The following CLCN5 variants were observed in gnomAD, a reference collection of about 807,000 sequenced individuals.
CLCN5 encodes the protein H(+)/Cl(-) exchange transporter 5.
CLCN5 carries 17 observed loss-of-function variants against 54.0 expected under a neutral mutation model. The ratio of observed to expected loss-of-function variants is 0.31; its 90% confidence interval spans 0.22 to 0.47. The LOEUF is 0.47. CLCN5 is among the 20% of genes least tolerant of loss of function. The probability of loss-of-function intolerance (pLI) is 1.00; values close to 1 mark genes in which losing one functional copy is unlikely to be tolerated. For synonymous variants in CLCN5, 222 were observed against 233.0 expected, an observed-to-expected ratio of 0.95 and a Z score of 0.43; for missense variants, 448 against 646.7, an observed-to-expected ratio of 0.69 and a Z score of 3.33.
intron 3 of CLCN5, among the ~76,000 whole-genome samples, chrX:50,025,333 C>T (rs1931306603): frequency 2.5e-5 from 2 of 79,964 alleles, no homozygotes; most frequent in Admixed American, 1.4e-4. Flanking sequence ...CGCCCTGCTT[C>T]GGCTCGCGCA....
chrX:50,063,411 C>G (rs369514599), intron 4 of CLCN5, among the ~76,000 whole-genome samples: 4 of 108,128 alleles, frequency 3.7e-5, no homozygotes, highest in Admixed American at 1.9e-4. Context: ...AAATCTAGAA[C>G]AAATGGATGC....
intron 3 of CLCN5, among the ~76,000 whole-genome samples, chrX:49,929,042 T>C (rs1925501271): frequency 1.8e-5 from 2 of 112,070 alleles, no homozygotes; most frequent in Admixed American, 9.4e-5. Context: ...TAATTCCCTA[T>C]TCCAGTATTC....
rs998673462 is a variant in CLCN5 at position 49,977,560 on chromosome X, T to C, written c.16+52246T>C. ...TTTCCACAGTGACACAGTTGCCATA[T>C]GTTGTCACATTCTTAGAGGTATCTG... On this transcript the variant is annotated intron_variant, in intron 3 of 14. Coordinates refer to ENST00000376091, the MANE Select transcript of CLCN5 (RefSeq NM_001127898.4). Among the ~76,000 whole-genome samples the C allele has an allele frequency of 2.7e-5, 3 of 111,870 alleles. No individual in the cohort carries two copies. In the Admixed American group the frequency reaches 2.8e-4, roughly 11 times the overall value.
intron 4 of CLCN5, among the ~76,000 whole-genome samples, chrX:50,058,652 G>A (rs1368846654): frequency 9.0e-6 from 1 of 111,255 alleles, no homozygotes; most frequent in African/African-American, 3.3e-5. Flanking sequence ...TTCTCTGACT[G>A]GTTTACTGTA....
intron 3 of CLCN5, among the ~76,000 whole-genome samples, chrX:50,010,339 C>G (rs1307587762): frequency 9.1e-6 from 1 of 110,435 alleles, no homozygotes; most frequent in African/African-American, 3.3e-5. Flanking sequence ...CACCTGGGCT[C>G]AAGCGATCCT....
Position 50,003,029 on chromosome X carries a change from G to GTT in CLCN5, c.17-39287_17-39286insTT. 3.7e-5 allele frequency: 9 copies of GTT among 245,458 alleles called. No individual in the cohort carries two copies. The South Asian group carries it at 4.1e-4, about 11-fold the overall frequency. 20.2% of individuals were successfully genotyped at this position (245,458 alleles called of 1,213,427 possible). A position where few individuals can be genotyped will look rare whatever the true frequency, so the allele number is the denominator to read the frequency against. ...GTTGTAGATAGTGAACATTTCTGAA[G>GTT]GTACATATGTGAATGTACACAAGCA... is the stretch of plus-strand genomic sequence containing the variant. On this transcript the variant is annotated intron_variant, in intron 3 of 14. Transcript: ENST00000376091.
At chrX:50,044,932 G>A (rs1351134595) in intron 4 of CLCN5, among the ~76,000 whole-genome samples, 1 of 111,327 alleles carries the variant, frequency 9.0e-6, no homozygotes, top group Non-Finnish European at 1.9e-5. Context: ...AGGCACTGGG[G>A]ATACAGTGGT....
At chrX:50,005,927 G>T (rs1264215413) in intron 3 of CLCN5, among the ~76,000 whole-genome samples, 3 of 112,376 alleles carry the variant, frequency 2.7e-5, no homozygotes, top group African/African-American at 9.7e-5. Flanking sequence ...ACAATGATCA[G>T]AACAGAAAAA....
intron 3 of CLCN5, among the ~76,000 whole-genome samples, chrX:49,946,716 C>T (rs1159260878): frequency 8.9e-6 from 1 of 111,777 alleles, no homozygotes; most frequent in African/African-American, 3.3e-5. Context: ...TAAACAAGGA[C>T]ATGAATACCA....
rs782073023 is a variant in CLCN5, at chrX:49,925,305, A to G, written c.7A>G (p.Met3Val). The G allele has an allele frequency of 1.7e-6, 2 of 1,210,048 alleles. No individual in the cohort carries two copies. The highest frequency in any genetic ancestry group is 3.5e-5 in the African/African-American group (2 of 57,809). Residue 3 changes from methionine to valine, a missense_variant, in exon 3 of 15, where the codon ATG (methionine) becomes GTG (valine). By Grantham distance (21) the Met-to-Val change is conservative. Coordinates refer to ENST00000376091, the MANE Select transcript of CLCN5 (RefSeq NM_001127898.4). ...GGGTGAAGATAGGATCAAGATGGCC[A>G]TGTGGCAGGGTAAGAAATTAGCACT... MA[M>V]WQGAMDNRGF... is the part of the protein sequence containing the mutation.
Position 49,957,952 on chromosome X carries a change from G to A in CLCN5, c.16+32638G>A, listed in dbSNP as rs189395906. Among the ~76,000 whole-genome samples the A allele has an allele frequency of 7.3e-3, 798 of 109,887 alleles. 12 individuals carry two copies. The highest frequency in any genetic ancestry group is 0.026 in the African/African-American group (775 of 30,140). On this transcript the variant is annotated intron_variant, in intron 3 of 14. Transcript: ENST00000376091. ...CGCAGGGCTTATTGATAGAGAGGTGGAGAGGGAGAGAGAAAGGGAATGGGG... is the reference window on the plus strand; with the variant it reads ...CGCAGGGCTTATTGATAGAGAGGTGAAGAGGGAGAGAGAAAGGGAATGGGG...
At chrX:50,035,098 T>G (rs1931929605) in intron 3 of CLCN5, among the ~76,000 whole-genome samples, 1 of 110,814 alleles carries the variant, frequency 9.0e-6, no homozygotes, top group Admixed American at 9.7e-5. Context: ...CTTTGGCCAT[T>G]TTGTTTCTTG....
intron 3 of CLCN5, among the ~76,000 whole-genome samples, chrX:49,975,110 G>A (rs1271335981): frequency 2.7e-5 from 3 of 111,859 alleles, no homozygotes; most frequent in Non-Finnish European, 5.6e-5. Context: ...GATAGGAGAG[G>A]AGGAGGATTT....
At chrX:50,060,311 G>A (rs60448060) in intron 4 of CLCN5, among the ~76,000 whole-genome samples, 11,960 of 110,004 alleles carry the variant, frequency 0.11, 1,634 homozygotes, top group African/African-American at 0.38. Flanking sequence ...CACCGTGCGC[G>A]AGCTGAAGCA....
intron 3 of CLCN5, among the ~76,000 whole-genome samples, chrX:49,929,153 C>T (rs1444407019): frequency 9.0e-6 from 1 of 111,241 alleles, no homozygotes; most frequent in Admixed American, 9.6e-5. Context: ...CTAAGGGCTA[C>T]AGGAGCCCAA....
At chrX:50,079,146 AG>A (rs1349799861) in intron 7 of CLCN5, among the ~76,000 whole-genome samples, 2 of 111,564 alleles carry the variant, frequency 1.8e-5, no homozygotes, top group East Asian at 2.8e-4. Flanking sequence ...GCCTCTGGCC[AG>A]TTTGAGTTAC....
chrX:50,003,892 G>T (rs1375810608), intron 3 of CLCN5, among the ~76,000 whole-genome samples: 1 of 111,545 alleles, frequency 9.0e-6, no homozygotes, highest in African/African-American at 3.3e-5. Flanking sequence ...CTGTACATGG[G>T]GCATGATGAA....
chrX:50,091,078 A>G (rs1314916807), intron 14 of CLCN5, among the ~76,000 whole-genome samples, 192 bp downstream of exon 14: 1 of 112,049 alleles, frequency 8.9e-6, no homozygotes, highest in Non-Finnish European at 1.9e-5. Flanking sequence ...GGGAAAGAAC[A>G]TGTGTTTGAG....
At position 49,958,938 on chromosome X, in the gene CLCN5, T is replaced by G. The variant is rs1036278211; in HGVS notation, c.16+33624T>G. Among the ~76,000 whole-genome samples the G allele has an allele frequency of 2.7e-5, 3 of 112,137 alleles. No homozygotes were observed. The Admixed American group carries it at 2.8e-4, about 11-fold the overall frequency. On this transcript the variant is annotated intron_variant, in intron 3 of 14. Coordinates refer to ENST00000376091, the MANE Select transcript of CLCN5 (RefSeq NM_001127898.4). ...TATATCTTCTACTTAGGGTAGATGA[T>G]CTTACTTTGAAAAATCTGCACCTGC...
Sources: allele counts gnomAD v4.1 joint callset (sites outside exome capture counted in the v4.1 genomes callset), GRCh38; gene constraint gnomAD v4.1.1; transcripts MANE v1.5; gene names NCBI Gene and HGNC (gene_info 2026-07-23, HGNC 2026-07-21).